MMRN2: variants seen among roughly 807,000 people sequenced by gnomAD.
MMRN2 encodes multimerin 2.
A neutral mutation model predicts 68.8 loss-of-function variants in MMRN2; 53 were observed. That is an observed-to-expected ratio of 0.77 (90% CI 0.62 to 0.97). MMRN2 has a LOEUF of 0.97. MMRN2 is among the 50% of genes least tolerant of loss of function. MMRN2 has a pLI of 0.00. For missense variants in MMRN2, 1,266 were observed against 1,259.5 expected, an observed-to-expected ratio of 1.01 and a Z score of -0.08; for synonymous variants, 564 against 551.6, an observed-to-expected ratio of 1.02 and a Z score of -0.32.
intron 6 of MMRN2, among the ~76,000 whole-genome samples, chr10:86,939,678 C>G (rs1052524128): frequency 1.9e-4 from 29 of 150,230 alleles, no homozygotes; most frequent in African/African-American, 6.8e-4. Context: ...GACCCCCACC[C>G]CAACCCAGCC....
intron 1 of MMRN2, among the ~76,000 whole-genome samples, chr10:86,954,720 C>T (rs899745560): frequency 2.0e-5 from 3 of 151,546 alleles, no homozygotes; most frequent in Admixed American, 6.6e-5. Context: ...GCCTGAGGCT[C>T]TCAGGGATCA....
At chr10:86,951,405 T>C (rs905653143) in intron 1 of MMRN2, among the ~76,000 whole-genome samples, 3 of 152,362 alleles carry the variant, frequency 2.0e-5, no homozygotes, top group Admixed American at 6.5e-5. Flanking sequence ...AATTTCAAGA[T>C]GGTGACACCC....
intron 1 of MMRN2, among the ~76,000 whole-genome samples, chr10:86,953,838 TG>T (rs1255797534): frequency 1.3e-5 from 2 of 151,778 alleles, no homozygotes; most frequent in African/African-American, 4.8e-5. Flanking sequence ...CTGCCAGGAG[TG>T]ACTGGGACTT....
intron 1 of MMRN2, among the ~76,000 whole-genome samples, chr10:86,952,310 C>T (rs1173683580): frequency 6.6e-6 from 1 of 152,140 alleles, no homozygotes; most frequent in Non-Finnish European, 1.5e-5. Context: ...AGGCGCTGGC[C>T]CCAGAGCTCA....
In MMRN2 at chr10:86,945,653, G is replaced by A; in HGVS notation, c.201C>T (p.Thr67=). The change falls in exon 2 of 7, where the codon ACC becomes ACT. Residue 67 remains threonine, a synonymous_variant. Transcript: ENST00000372027. ...TCTCTGTTTTGCAAAGAGCTAGTAA[G>A]GTGACCAGCTTGGACATTGGGTAGG... ...WCPYPMSKLV[T]LLALCKTEKF... 1 of 1,614,104 alleles carries A rather than the reference G, an allele frequency of 6.2e-7. No homozygotes were observed. The highest frequency in any genetic ancestry group is 8.5e-7 in the Non-Finnish European group (1 of 1,180,018).
At chr10:86,956,581 C>T (rs1844236240) in intron 1 of MMRN2, among the ~76,000 whole-genome samples, 1 of 152,350 alleles carries the variant, frequency 6.6e-6, no homozygotes, top group Middle Eastern at 3.4e-3. Flanking sequence ...TGAAGTCAAA[C>T]TCAGATCCTG....
chr10:86,939,339 G>A (rs1340836978), intron 6 of MMRN2, among the ~76,000 whole-genome samples: 1 of 150,876 alleles, frequency 6.6e-6, no homozygotes, highest in Non-Finnish European at 1.5e-5. Context: ...GCAGGCGCCT[G>A]TAATCCTAGC....
At position 86,945,494 on chromosome 10, in the gene MMRN2, C is replaced by G; in HGVS notation, c.294-18G>C. On this transcript the variant is annotated intron_variant, in intron 2 of 6. Coordinates refer to ENST00000372027, the MANE Select transcript of MMRN2 (RefSeq NM_024756.3). ...TGCGGTACCTGGAAGAGGAGAAGGGCTGGCTCAGTGATTCCAGGGAGGGCC... is the reference window on the plus strand; with the variant it reads ...TGCGGTACCTGGAAGAGGAGAAGGGGTGGCTCAGTGATTCCAGGGAGGGCC... The G allele has an allele frequency of 6.4e-7, 1 of 1,556,600 alleles. No homozygotes were observed. Among genetic ancestry groups the G allele is most frequent in the Non-Finnish European group, 8.7e-7 (1 of 1,149,692 alleles).
At chr10:86,953,516 G>C (rs901706183) in intron 1 of MMRN2, among the ~76,000 whole-genome samples, 20 of 152,176 alleles carry the variant, frequency 1.3e-4, no homozygotes, top group African/African-American at 4.8e-4. Context: ...TCAGCCCTAG[G>C]GAAAAATCTC....
chr10:86,954,353 TCTC>T (rs1338183145), intron 1 of MMRN2: 2 of 152,590 alleles, frequency 1.3e-5, no homozygotes, highest in African/African-American at 4.8e-5. Flanking sequence ...CGGCCTGCGT[TCTC>T]CTCTCCTCCT....
At chr10:86,941,299 T>C (rs1057450276) in intron 6 of MMRN2, among the ~76,000 whole-genome samples, 3 of 152,214 alleles carry the variant, frequency 2.0e-5, no homozygotes, top group African/African-American at 4.8e-5. Context: ...CCAAACCCTA[T>C]ATATACTATT....
intron 6 of MMRN2, among the ~76,000 whole-genome samples, chr10:86,941,827 GAAAAA>G (rs1386112769): frequency 7.4e-6 from 1 of 135,250 alleles, no homozygotes; most frequent in Non-Finnish European, 1.6e-5. Context: ...AAAAGAAAAA[GAAAAA>G]AAAAACAAAA....
Position 86,942,357 on chromosome 10 carries a change from C to A in MMRN2, c.2427G>T (p.Gly809=). ...AEPLVDIRVT[G]PVPGALGAAL... Reference sequence around the variant, plus strand: ...CCGCGCCCAAGGCACCTGGCACAGGCCCTGTGACCCGTATGTCCACCAAAG... The same window carrying A: ...CCGCGCCCAAGGCACCTGGCACAGGACCTGTGACCCGTATGTCCACCAAAG... The change falls in exon 6 of 7, where the codon GGG becomes GGT. Residue 809 remains glycine, a synonymous_variant. Coordinates refer to ENST00000372027, the MANE Select transcript of MMRN2 (RefSeq NM_024756.3). 2 of 1,613,962 alleles carry A rather than the reference C, an allele frequency of 1.2e-6. No individual in the cohort carries two copies. Among genetic ancestry groups the A allele is most frequent in the Non-Finnish European group, 1.7e-6 (2 of 1,179,906 alleles).
At position 86,942,712 on chromosome 10, in the gene MMRN2, G is replaced by T; in HGVS notation, c.2072C>A (p.Thr691Asn). The part of the protein sequence containing the change: ...SHDAGREEAA[T>N]TALAGLAREL... ...CCGCGCCAGCCCGGCCAGGGCGGTG[G>T]TGGCGGCCTCCTCGCGGCCCGCGTC... The change falls in exon 6 of 7, where the codon ACC (threonine) becomes AAC (asparagine). Residue 691 changes from threonine (T) to asparagine (N), a missense_variant. Coordinates refer to ENST00000372027, the MANE Select transcript of MMRN2 (RefSeq NM_024756.3). 1.3e-6 allele frequency: 2 copies of T among 1,494,678 alleles called. No homozygotes were observed. Among genetic ancestry groups the T allele is most frequent in the Non-Finnish European group, 1.8e-6 (2 of 1,131,630 alleles). 92.6% of individuals were successfully genotyped at this position (1,494,678 alleles called of 1,614,324 possible). A position where few individuals can be genotyped will look rare whatever the true frequency, so the allele number is the denominator to read the frequency against.
chr10:86,943,128 C>T lies in MMRN2; in HGVS notation c.1656G>A (p.Ala552=). The change falls in exon 6 of 7, where the codon GCG becomes GCA. Residue 552 remains alanine (A), a synonymous_variant. Coordinates refer to ENST00000372027, the MANE Select transcript of MMRN2 (RefSeq NM_024756.3). The surrounding 1 kb of genome is among the most constrained non-coding windows in gnomAD (Gnocchi z 4.2). ...AVSLAVDAHK[A]EGERARAATS... ...TGGCCGCCCGCGCCCGCTCGCCCTC[C>T]GCTTTGTGCGCGTCCACGGCCAGCG... 1 of 1,565,934 alleles carries T rather than the reference C, an allele frequency of 6.4e-7. No individual in the cohort carries two copies. The highest frequency in any genetic ancestry group is 8.6e-7 in the Non-Finnish European group (1 of 1,160,260).
chr10:86,937,915 A>C (rs1843903640), intron 6 of MMRN2, among the ~76,000 whole-genome samples: 1 of 152,116 alleles, frequency 6.6e-6, no homozygotes, highest in African/African-American at 2.4e-5. Context: ...AGGTGGAGCC[A>C]GGGAAGAGAA....
intron 6 of MMRN2, among the ~76,000 whole-genome samples, chr10:86,937,778 G>A (rs938039722): frequency 1.3e-5 from 2 of 152,144 alleles, no homozygotes; most frequent in Admixed American, 6.6e-5. Context: ...GATACTCAGG[G>A]GAGAGGGAGA....
chr10:86,936,967 C>T lies in MMRN2; in HGVS notation c.2626G>A (p.Val876Ile), dbSNP rs371372922. The T allele has an allele frequency of 4.6e-5, 75 of 1,614,104 alleles. No individual in the cohort carries two copies. The highest frequency in any genetic ancestry group is 2.5e-4 in the East Asian group (11 of 44,896). ...ERGVYLFAVS[V>I]EFGPGPGTGQ... Reference sequence around the variant, plus strand: ...GTGCCTGGCCCTGGGCCAAATTCAACGCTCACTGCAAACAGGTAGACACCA... The same window carrying T: ...GTGCCTGGCCCTGGGCCAAATTCAATGCTCACTGCAAACAGGTAGACACCA... Residue 876 changes from valine (V) to isoleucine (I), a missense_variant, in exon 7 of 7, where the codon GTT becomes ATT. Transcript: ENST00000372027.
Position 86,942,886 on chromosome 10 carries a change from C to T in MMRN2, c.1898G>A (p.Ser633Asn), listed in dbSNP as rs1843996838. 4 of 1,447,696 alleles carry T rather than the reference C, an allele frequency of 2.8e-6. No homozygotes were observed. In the South Asian group the frequency reaches 4.2e-5, roughly 15 times the overall value. The allele number at this position is 1,447,696 out of a possible 1,614,324, so 89.7% of individuals were successfully genotyped here. A position where few individuals can be genotyped will look rare whatever the true frequency, so the allele number is the denominator to read the frequency against. Residue 633 changes from serine to asparagine, a missense_variant, in exon 6 of 7, where the codon AGC (serine) becomes AAC (asparagine). Physicochemically the swap from Ser to Asn is conservative, Grantham distance 46. Coordinates refer to ENST00000372027, the MANE Select transcript of MMRN2 (RefSeq NM_024756.3). ...SEQTPGPLPL[S>N]YEQIRVALQD... ...CAGGGCCACGCGGATCTGCTCGTAG[C>T]TCAGGGGCAGCGGTCCCGGCGTCTG...
Sources: gnomAD v4.1 joint callset for allele counts (sites outside exome capture counted in the v4.1 genomes callset) on GRCh38, gnomAD v4.1.1 for gene constraint, Gnocchi (gnomAD v3.1) non-coding constraint, MANE v1.5 for transcripts, NCBI Gene and HGNC (gene_info 2026-07-23, HGNC 2026-07-21) for gene names.